The following CAPZB variants were observed in gnomAD, a reference collection of about 807,000 sequenced individuals.
CAPZB encodes capping actin protein of muscle Z-line subunit beta.
In CAPZB, 2 loss-of-function variants were observed where a neutral mutation model predicts 38.1. The observed-to-expected ratio is 0.05, with a 90% CI of 0.02 to 0.17. CAPZB has a LOEUF of 0.17. Ranked by LOEUF, CAPZB falls within the 10% of genes least tolerant of loss-of-function variation. The pLI is 1.00. For missense variants in CAPZB, 161 were observed against 334.2 expected, an observed-to-expected ratio of 0.48 and a Z score of 4.04; for synonymous variants, 107 against 127.4, an observed-to-expected ratio of 0.84 and a Z score of 1.08.
chr1:19,413,019 A>C (rs2094363837), intron 2 of CAPZB, among the ~76,000 whole-genome samples: 1 of 152,226 alleles, frequency 6.6e-6, no homozygotes, highest in African/African-American at 2.4e-5. Flanking sequence ...CACCTAGAAT[A>C]GTGTCTGGTG....
intron 6 of CAPZB, among the ~76,000 whole-genome samples, chr1:19,346,615 T>C (rs1440856364): frequency 6.6e-6 from 1 of 151,986 alleles, no homozygotes; most frequent in Non-Finnish European, 1.5e-5. Flanking sequence ...CTCTGTTGCT[T>C]CTCACCTATT....
intron 2 of CAPZB, among the ~76,000 whole-genome samples, chr1:19,389,437 T>C (rs1212017346): frequency 2.0e-5 from 3 of 152,130 alleles, no homozygotes; most frequent in Admixed American, 6.5e-5. Flanking sequence ...GTGTTTTTTT[T>C]TTCTCAATGA....
At chr1:19,369,951 T>A (rs2094111251) in intron 4 of CAPZB, among the ~76,000 whole-genome samples, 1 of 152,160 alleles carries the variant, frequency 6.6e-6, no homozygotes, top group South Asian at 2.1e-4. Context: ...GAAGCAGCCC[T>A]CCACTCTAGC....
rs214330 is a variant in CAPZB at position 19,350,382 on chromosome 1, T to C, written c.589-5130A>G. On this transcript the variant is annotated intron_variant, in intron 6 of 8. Coordinates refer to ENST00000264202, the MANE Select transcript of CAPZB (RefSeq NM_004930.5). The stretch of plus-strand genomic sequence containing the variant: ...TTGCCAGAATGGCAGCTCTCACCGA[T>C]TGTCAAAGCACAGCTCCATCCCCAG... 7.0e-3 allele frequency among the ~76,000 whole-genome samples: 1,069 copies of C among 152,344 alleles called. 14 individuals carry two copies. Among genetic ancestry groups the C allele is most frequent in the African/African-American group, 0.024 (1,004 of 41,588 alleles).
At chr1:19,397,851 G>A (rs574951794) in intron 2 of CAPZB, among the ~76,000 whole-genome samples, 97 of 152,212 alleles carry the variant, frequency 6.4e-4, no homozygotes, top group Admixed American at 1.8e-3. Context: ...GAGGGCGCGC[G>A]CCACCCGAAT....
At chr1:19,355,019 CA>C (rs1331637940) in intron 6 of CAPZB, among the ~76,000 whole-genome samples, 3 of 152,106 alleles carry the variant, frequency 2.0e-5, no homozygotes, top group Non-Finnish European at 4.4e-5. Context: ...GCCCAGAGGC[CA>C]AAAAGAGGAC....
intron 2 of CAPZB, among the ~76,000 whole-genome samples, chr1:19,417,155 A>G (rs1358382559): frequency 7.2e-5 from 11 of 152,206 alleles, no homozygotes; most frequent in African/African-American, 2.7e-4. Flanking sequence ...AAGCAGCTAC[A>G]TGCACATCCC....
chr1:19,449,866 C>T (rs1570305522), intron 1 of CAPZB, among the ~76,000 whole-genome samples: 2 of 150,654 alleles, frequency 1.3e-5, no homozygotes, highest in East Asian at 3.9e-4. Flanking sequence ...ATAGGCTGGG[C>T]ACAGTAGCTC....
chr1:19,484,200 G>A lies in CAPZB; in HGVS notation c.3+1236C>T, dbSNP rs1434052947. ...AGGCGTTCTGCTCACCTGATCCGAG[G>A]GACTTCCATAATCAGCAGTTCCAAC... is the stretch of plus-strand genomic sequence containing the variant. On this transcript the variant is annotated intron_variant, in intron 1 of 8. Coordinates refer to ENST00000264202, the MANE Select transcript of CAPZB (RefSeq NM_004930.5). 3.1e-6 allele frequency: 5 copies of A among 1,612,290 alleles called. No homozygotes were observed. In the South Asian group the frequency reaches 4.4e-5, roughly 14 times the overall value.
chr1:19,405,394 G>A (rs1483450372), intron 2 of CAPZB, among the ~76,000 whole-genome samples: 1 of 152,020 alleles, frequency 6.6e-6, no homozygotes, highest in East Asian at 1.9e-4. Context: ...TGGAGATTTG[G>A]CTGCCCCTAC....
In CAPZB at chr1:19,450,159, A is replaced by AAG. The variant is rs1553290130; in HGVS notation, c.4-30410_4-30409insCT. Among the ~76,000 whole-genome samples, 167 of 134,454 alleles carry AAG rather than the reference A, an allele frequency of 1.2e-3. 1 individual carries two copies. Among genetic ancestry groups the AAG allele is most frequent in the South Asian group, 4.8e-3 (21 of 4,368 alleles). The allele number at this position is 134,454 out of a possible 152,430, so 88.2% of individuals were successfully genotyped here. A position where few individuals can be genotyped will look rare whatever the true frequency, so the allele number is the denominator to read the frequency against. ...ACCCTGTCTCCAAAAAAAAAAAAAA[A>AAG]AAAAAAAAAAGAAAAGAAAAGAAAA... On this transcript the variant is annotated intron_variant, in intron 1 of 8. Coordinates refer to ENST00000264202, the MANE Select transcript of CAPZB (RefSeq NM_004930.5).
At chr1:19,350,723 T>C (rs1217299898) in intron 6 of CAPZB, among the ~76,000 whole-genome samples, 2 of 151,998 alleles carry the variant, frequency 1.3e-5, no homozygotes, top group Non-Finnish European at 2.9e-5. Context: ...CAGGCCATCC[T>C]CCCACCTCAG....
chr1:19,370,168 A>G (rs1319181572), intron 4 of CAPZB, among the ~76,000 whole-genome samples: 2 of 151,998 alleles, frequency 1.3e-5, no homozygotes, highest in African/African-American at 4.8e-5. Flanking sequence ...GCCTCCACTC[A>G]CTGCCCACGA....
chr1:19,350,982 C>G (rs1216753363), intron 6 of CAPZB, among the ~76,000 whole-genome samples: 3 of 146,366 alleles, frequency 2.0e-5, no homozygotes, highest in African/African-American at 7.9e-5. Context: ...CTACAATGAT[C>G]TTTCCTTTTT....
At chr1:19,359,932 G>A (rs866738393) in intron 4 of CAPZB, among the ~76,000 whole-genome samples, 26 of 152,306 alleles carry the variant, frequency 1.7e-4, no homozygotes, top group South Asian at 1.2e-3. Flanking sequence ...GGGGCGAGGC[G>A]AGGTAAGCAG....
rs574552815 is a variant in CAPZB, at chr1:19,410,687, C to A, written c.93+8974G>T. Among the ~76,000 whole-genome samples, 216 of 152,354 alleles carry A rather than the reference C, an allele frequency of 1.4e-3. 1 individual carries two copies. Among genetic ancestry groups the A allele is most frequent in the African/African-American group, 5.0e-3 (209 of 41,578 alleles). ...TCAAGTCCTTTTCCCTTAGGTACTTCCATGGTGACCATTCTTCCCAGGCCC... is the reference window on the plus strand; with the variant it reads ...TCAAGTCCTTTTCCCTTAGGTACTTACATGGTGACCATTCTTCCCAGGCCC... On this transcript the variant is annotated intron_variant, in intron 2 of 8. Coordinates refer to ENST00000264202, the MANE Select transcript of CAPZB (RefSeq NM_004930.5).
chr1:19,398,006 C>T (rs1295031716), intron 2 of CAPZB, among the ~76,000 whole-genome samples: 1 of 152,062 alleles, frequency 6.6e-6, no homozygotes, highest in South Asian at 2.1e-4. Context: ...GTGGGGATGC[C>T]AGGGAAATCT....
chr1:19,402,629 C>T (rs1170920013), intron 2 of CAPZB, among the ~76,000 whole-genome samples: 1 of 152,240 alleles, frequency 6.6e-6, no homozygotes, highest in African/African-American at 2.4e-5. Context: ...CTAGTACCTT[C>T]CCACCACCCA....
At chr1:19,417,456 C>T (rs1373212912) in intron 2 of CAPZB, among the ~76,000 whole-genome samples, 4 of 152,170 alleles carry the variant, frequency 2.6e-5, no homozygotes, top group African/African-American at 9.7e-5. Flanking sequence ...CTTTTGCCCA[C>T]CTCTTCCACG....
Sources: allele counts gnomAD v4.1 joint callset (sites outside exome capture counted in the v4.1 genomes callset), GRCh38; gene constraint gnomAD v4.1.1; transcripts MANE v1.5; gene names NCBI Gene and HGNC (gene_info 2026-07-23, HGNC 2026-07-21).